Variants in PAG1 observed in about 807,000 individuals in gnomAD.
The protein encoded by PAG1 is phosphoprotein membrane anchor with glycosphingolipid microdomains 1, also known as phosphoprotein associated with glycosphingolipid-enriched microdomains 1.
PAG1 carries 23 observed loss-of-function variants against 31.7 expected under a neutral mutation model. The observed-to-expected ratio is 0.73, with a 90% CI of 0.52 to 1.03. The LOEUF (loss-of-function observed/expected upper bound fraction) is 1.03, where lower values mean the gene tolerates loss of function less well. Among genes scored for constraint, PAG1 ranks in the 50% least tolerant of loss-of-function variants. The pLI, the probability that PAG1 is intolerant of heterozygous loss-of-function variation, is 0.00. For missense variants in PAG1, 473 were observed against 540.7 expected, an observed-to-expected ratio of 0.87 and a Z score of 1.24; for synonymous variants, 214 against 210.3, an observed-to-expected ratio of 1.02 and a Z score of -0.15.
chr8:81,108,155 C>A (rs746762863), intron 1 of PAG1, among the ~76,000 whole-genome samples: 2 of 151,968 alleles, frequency 1.3e-5, no homozygotes, highest in African/African-American at 2.4e-5. Context: ...AATAATAAAT[C>A]ATGAACCTCA....
intron 2 of PAG1, among the ~76,000 whole-genome samples, chr8:81,056,617 CT>C (rs1377210391): frequency 6.6e-6 from 1 of 152,166 alleles, no homozygotes; most frequent in Non-Finnish European, 1.5e-5. Context: ...CATAAAAACC[CT>C]GGAAGAAAAC....
At chr8:81,056,419 A>T (rs1173768307) in intron 2 of PAG1, among the ~76,000 whole-genome samples, 1 of 152,140 alleles carries the variant, frequency 6.6e-6, no homozygotes, top group Non-Finnish European at 1.5e-5. Context: ...AATACCACAC[A>T]TCTACAACCA....
At chr8:81,048,444 T>A (rs1040962952) in intron 2 of PAG1, among the ~76,000 whole-genome samples, 2 of 151,938 alleles carry the variant, frequency 1.3e-5, no homozygotes, top group Non-Finnish European at 2.9e-5. Context: ...CTGCAGGGAG[T>A]AGGGCTACCA....
At position 80,990,007 on chromosome 8, in the gene PAG1, A is replaced by T. The variant is rs1382161656; in HGVS notation, c.177+1472T>A. Among the ~76,000 whole-genome samples, 2 of 152,092 alleles carry T rather than the reference A, an allele frequency of 1.3e-5. No individual in the cohort carries two copies. Among genetic ancestry groups the T allele is most frequent in the Non-Finnish European group, 2.9e-5 (2 of 68,008 alleles). On this transcript the variant is annotated intron_variant, in intron 5 of 8. Transcript: ENST00000220597. The surrounding 1 kb of genome is among the most constrained non-coding windows in gnomAD (Gnocchi z 5.1). The stretch of plus-strand genomic sequence containing the variant: ...GCAGGGGCCTGGAGTCTGCATGGGG[A>T]GAAGCGACAGTGGGGCGTTCCCTCC...
intron 3 of PAG1, among the ~76,000 whole-genome samples, chr8:81,019,581 G>A (rs1808127588): frequency 6.6e-6 from 1 of 152,238 alleles, no homozygotes; most frequent in African/African-American, 2.4e-5. Flanking sequence ...TACACATGGT[G>A]TTGGGCCTAT....
chr8:80,973,457 A>C lies in PAG1; in HGVS notation c.*3087T>G, dbSNP rs1807118514. 1 of 152,222 alleles carries C rather than the reference A, an allele frequency of 6.6e-6. No individual in the cohort carries two copies. The allele number at this position is 152,222 out of a possible 1,614,324, so 9.4% of individuals were successfully genotyped here. A position where few individuals can be genotyped will look rare whatever the true frequency, so the allele number is the denominator to read the frequency against. Reference sequence around the variant, plus strand: ...TTAAGAAATACCAAAGTAGCATACAAAATGCTTCTAAACTTTCAAAATATC... The same window carrying C: ...TTAAGAAATACCAAAGTAGCATACACAATGCTTCTAAACTTTCAAAATATC... On this transcript the variant is annotated 3_prime_UTR_variant, in exon 9 of 9. Coordinates refer to ENST00000220597, the MANE Select transcript of PAG1 (RefSeq NM_018440.4).
At chr8:81,007,238 A>G (rs536743592) in intron 3 of PAG1, among the ~76,000 whole-genome samples, 2 of 152,154 alleles carry the variant, frequency 1.3e-5, no homozygotes, top group Non-Finnish European at 2.9e-5. Context: ...AACATCTTCT[A>G]GAAATGTGGA....
intron 1 of PAG1, among the ~76,000 whole-genome samples, chr8:81,094,102 G>C (rs1286804957): frequency 2.6e-5 from 4 of 152,148 alleles, no homozygotes; most frequent in Non-Finnish European, 5.9e-5. Flanking sequence ...GTGGAGCAGG[G>C]GGCCACCATA....
At chr8:80,981,411 G>C (rs1240145813) in intron 7 of PAG1, among the ~76,000 whole-genome samples, 4 of 151,936 alleles carry the variant, frequency 2.6e-5, no homozygotes, top group Non-Finnish European at 5.9e-5. Context: ...AGCCCTTAAA[G>C]CCGCTCCGTA....
At chr8:81,050,159 C>T (rs185838687) in intron 2 of PAG1, among the ~76,000 whole-genome samples, 37 of 152,234 alleles carry the variant, frequency 2.4e-4, no homozygotes, top group Middle Eastern at 3.4e-3. Context: ...AACTTAAACA[C>T]GTTTCATTGC....
intron 3 of PAG1, among the ~76,000 whole-genome samples, chr8:81,017,069 T>C (rs570891975): frequency 2.0e-5 from 3 of 152,196 alleles, no homozygotes; most frequent in Admixed American, 6.5e-5. Context: ...GACGAGAGGA[T>C]TGCCCAGCTG....
intron 3 of PAG1, among the ~76,000 whole-genome samples, chr8:81,002,079 C>A (rs151003623): frequency 5.9e-5 from 9 of 152,326 alleles, no homozygotes; most frequent in Non-Finnish European, 1.3e-4. Flanking sequence ...AACATCCCAC[C>A]AGCTTTGCTG....
chr8:80,986,691 G>A (rs920194240), intron 6 of PAG1, among the ~76,000 whole-genome samples: 1 of 152,066 alleles, frequency 6.6e-6, no homozygotes, highest in African/African-American at 2.4e-5. Context: ...GGTATGGAGG[G>A]ATTAGGGCTA....
intron 8 of PAG1, among the ~76,000 whole-genome samples, chr8:80,978,268 T>A (rs1177909563): frequency 6.6e-6 from 1 of 152,174 alleles, no homozygotes; most frequent in South Asian, 2.1e-4. Flanking sequence ...ATGAAATGAT[T>A]AACATTCTCA....
At chr8:81,055,603 T>C (rs972749600) in intron 2 of PAG1, among the ~76,000 whole-genome samples, 2 of 152,064 alleles carry the variant, frequency 1.3e-5, no homozygotes, top group African/African-American at 4.8e-5. Flanking sequence ...GGAATGTTCT[T>C]CCATTTGTTT....
intron 7 of PAG1, among the ~76,000 whole-genome samples, chr8:80,980,880 G>A (rs376214852): frequency 5.3e-5 from 8 of 152,184 alleles, no homozygotes; most frequent in African/African-American, 1.2e-4. Flanking sequence ...GTTTGCTGGC[G>A]TCATCAGAAA....
intron 3 of PAG1, among the ~76,000 whole-genome samples, chr8:81,001,583 G>A (rs951991161): frequency 6.6e-6 from 1 of 152,050 alleles, no homozygotes; most frequent in African/African-American, 2.4e-5. Flanking sequence ...CAAGAGGCTC[G>A]CTACATACCA....
intron 3 of PAG1, among the ~76,000 whole-genome samples, chr8:81,028,862 A>G (rs193251434): frequency 1.6e-4 from 25 of 152,162 alleles, no homozygotes; most frequent in Admixed American, 1.6e-3. Flanking sequence ...TACAGCCTAC[A>G]TTTCCCTCAC....
chr8:80,990,932 C>G lies in PAG1; in HGVS notation c.177+547G>C, dbSNP rs545463794. Reference sequence around the variant, plus strand: ...GTGCTACAGTAGGGTGGGCACTAGTCCAATATGTCTGGTGTCTTTATAAAA... The same window carrying G: ...GTGCTACAGTAGGGTGGGCACTAGTGCAATATGTCTGGTGTCTTTATAAAA... On this transcript the variant is annotated intron_variant, in intron 5 of 8. Coordinates refer to ENST00000220597, the MANE Select transcript of PAG1 (RefSeq NM_018440.4). The surrounding 1 kb of genome is among the most constrained non-coding windows in gnomAD (Gnocchi z 5.1). Among the ~76,000 whole-genome samples the G allele has an allele frequency of 7.9e-5, 12 of 152,142 alleles. No individual in the cohort carries two copies. The South Asian group carries it at 1.5e-3, about 18-fold the overall frequency.
Sources: gnomAD v4.1 joint callset for allele counts (sites outside exome capture counted in the v4.1 genomes callset) on GRCh38, gnomAD v4.1.1 for gene constraint, Gnocchi (gnomAD v3.1) non-coding constraint, MANE v1.5 for transcripts, NCBI Gene and HGNC (gene_info 2026-07-23, HGNC 2026-07-21) for gene names.